ANKS1B: variants seen among roughly 807,000 people sequenced by gnomAD.
ANKS1B encodes ankyrin repeat and sterile alpha motif domain containing 1B, also known as ankyrin repeat and sterile alpha motif domain-containing protein 1B.
ANKS1B carries 36 observed loss-of-function variants against 148.3 expected under a neutral mutation model. The ratio of observed to expected loss-of-function variants is 0.24; its 90% CI spans 0.19 to 0.32. ANKS1B has a LOEUF of 0.32. Ranked by LOEUF, ANKS1B falls within the 10% of genes least tolerant of loss-of-function variation. ANKS1B has a pLI of 1.00. For synonymous variants in ANKS1B, 542 were observed against 560.8 expected, an observed-to-expected ratio of 0.97 and a Z score of 0.47; for missense variants, 1,157 against 1,542.6, an observed-to-expected ratio of 0.75 and a Z score of 4.19.
intron 9 of ANKS1B, among the ~76,000 whole-genome samples, chr12:99,573,739 C>T (rs1378933697): frequency 1.3e-5 from 2 of 151,932 alleles, no homozygotes; most frequent in African/African-American, 4.8e-5. Context: ...AAAATCCTCA[C>T]TCTTCCAGCA....
chr12:98,932,555 C>A (rs779414540), intron 17 of ANKS1B, among the ~76,000 whole-genome samples: 32 of 152,274 alleles, frequency 2.1e-4, no homozygotes, highest in Non-Finnish European at 3.7e-4. Context: ...TCTGTACCTA[C>A]TAAATCTTAC....
chr12:99,165,766 C>G (rs561965303), intron 14 of ANKS1B, among the ~76,000 whole-genome samples: 11 of 151,848 alleles, frequency 7.2e-5, no homozygotes, highest in Admixed American at 3.3e-4. Flanking sequence ...GAATACTTGC[C>G]AACTTATTCT....
intron 12 of ANKS1B, among the ~76,000 whole-genome samples, chr12:99,278,703 TCTAA>T (rs1416982473): frequency 6.6e-6 from 1 of 152,090 alleles, no homozygotes. Flanking sequence ...TGTCCCAATA[TCTAA>T]CAACCTAACT....
chr12:99,424,102 C>T (rs1261903152), intron 11 of ANKS1B, among the ~76,000 whole-genome samples: 1 of 152,132 alleles, frequency 6.6e-6, no homozygotes, highest in South Asian at 2.1e-4. Flanking sequence ...TACTCTTGCA[C>T]ATATACATAT....
intron 17 of ANKS1B, among the ~76,000 whole-genome samples, chr12:98,870,336 T>C (rs200786): frequency 0.23 from 35,698 of 152,210 alleles, 5,213 homozygotes; most frequent in Admixed American, 0.39. Flanking sequence ...TACACTGCAG[T>C]GAGGGGTAGT....
intron 9 of ANKS1B, among the ~76,000 whole-genome samples, chr12:99,548,548 T>C (rs545017520): frequency 3.9e-5 from 6 of 152,108 alleles, no homozygotes; most frequent in Non-Finnish European, 5.9e-5. Flanking sequence ...TTATTAATAA[T>C]ATATTATTTC....
At chr12:99,459,401 C>G (rs573192997) in intron 10 of ANKS1B, among the ~76,000 whole-genome samples, 1 of 152,102 alleles carries the variant, frequency 6.6e-6, no homozygotes, top group Non-Finnish European at 1.5e-5. Context: ...ACTGGAAGTC[C>G]TAGCCAGAGA....
chr12:99,148,394 C>T (rs2073874805), intron 15 of ANKS1B, among the ~76,000 whole-genome samples: 1 of 151,646 alleles, frequency 6.6e-6, no homozygotes, highest in Admixed American at 6.6e-5. Context: ...TCCTTTTTAA[C>T]ACAAGATTTG....
chr12:99,172,119 A>G (rs1445208770), intron 14 of ANKS1B, among the ~76,000 whole-genome samples: 1 of 152,188 alleles, frequency 6.6e-6, no homozygotes, highest in African/African-American at 2.4e-5. Flanking sequence ...TGTTCCAGGC[A>G]GAGGGAACAG....
At chr12:98,954,965 A>G (rs2099859962) in intron 17 of ANKS1B, among the ~76,000 whole-genome samples, 1 of 131,430 alleles carries the variant, frequency 7.6e-6, no homozygotes, top group South Asian at 2.3e-4. Context: ...CCTGCCTTTC[A>G]TCCTTTAAGT....
intron 12 of ANKS1B, among the ~76,000 whole-genome samples, chr12:99,331,077 A>C (rs1469970616): frequency 1.3e-5 from 2 of 152,020 alleles, no homozygotes; most frequent in African/African-American, 4.8e-5. Context: ...ACTTGCATCC[A>C]AATAATACAA....
chr12:99,291,293 T>A (rs866374553), intron 12 of ANKS1B, among the ~76,000 whole-genome samples: 2 of 152,114 alleles, frequency 1.3e-5, no homozygotes, highest in Admixed American at 1.3e-4. Context: ...GAATCAATAT[T>A]GTTACAATAA....
chr12:99,524,573 G>T (rs2096907859), intron 9 of ANKS1B, among the ~76,000 whole-genome samples: 1 of 152,114 alleles, frequency 6.6e-6, no homozygotes, highest in Non-Finnish European at 1.5e-5. Context: ...GGAGCTTGAA[G>T]TTAGCCATAT....
At chr12:99,528,933 A>C (rs12320365) in intron 9 of ANKS1B, among the ~76,000 whole-genome samples, 32,633 of 152,060 alleles carry the variant, frequency 0.21, 3,732 homozygotes, top group East Asian at 0.3. Flanking sequence ...TGATTTAAAA[A>C]AATTATATGT....
intron 8 of ANKS1B, among the ~76,000 whole-genome samples, chr12:99,702,960 G>T (rs1412896294): frequency 1.3e-5 from 2 of 151,992 alleles, no homozygotes; most frequent in Admixed American, 6.6e-5. Context: ...CATGGTGAAA[G>T]ACAGGGTCTA....
At chr12:99,159,319 C>T (rs904254488) in intron 14 of ANKS1B, among the ~76,000 whole-genome samples, 5 of 152,210 alleles carry the variant, frequency 3.3e-5, no homozygotes, top group South Asian at 2.1e-4. Context: ...TGAATGATCC[C>T]GTCACCAGGT....
intron 15 of ANKS1B, among the ~76,000 whole-genome samples, chr12:99,123,480 G>T (rs959705003): frequency 1.3e-5 from 2 of 152,130 alleles, no homozygotes; most frequent in South Asian, 2.1e-4. Flanking sequence ...ATATATGAAG[G>T]GGAGTTTATT....
At position 99,539,652 on chromosome 12, in the gene ANKS1B, T is replaced by G. The variant is rs1031110521; in HGVS notation, c.1273-35011A>C. Among the ~76,000 whole-genome samples the G allele has an allele frequency of 3.3e-5, 5 of 152,270 alleles. 1 individual carries two copies. Among genetic ancestry groups the G allele is most frequent in the East Asian group, 3.9e-4 (2 of 5,194 alleles). The stretch of plus-strand genomic sequence containing the variant: ...GGCATAAATACTACCTTATCAACAA[T>G]TACATTAAATGTAAGTAGATTCAAC... On this transcript the variant is annotated intron_variant, in intron 9 of 26. Coordinates refer to ENST00000683438, the MANE Select transcript of ANKS1B (RefSeq NM_001352186.2).
intron 14 of ANKS1B, among the ~76,000 whole-genome samples, chr12:99,237,784 A>G (rs1183583284): frequency 1.3e-5 from 2 of 152,308 alleles, no homozygotes; most frequent in East Asian, 3.9e-4. Context: ...ATGTGTGTCT[A>G]TATATATACA....
Sources: allele counts gnomAD v4.1 joint callset (sites outside exome capture counted in the v4.1 genomes callset), GRCh38; gene constraint gnomAD v4.1.1; transcripts MANE v1.5; gene names NCBI Gene and HGNC (gene_info 2026-07-23, HGNC 2026-07-21).